GIP: variants seen among roughly 807,000 people sequenced by gnomAD.
GIP encodes the protein glucose-dependent insulinotropic polypeptide.
In GIP, 16 loss-of-function variants were observed where a neutral mutation model predicts 18.1. That is an observed-to-expected ratio of 0.88 (90% CI 0.60 to 1.34). The LOEUF (loss-of-function observed/expected upper bound fraction) is 1.34. Among genes scored for constraint, GIP ranks in the 40% most tolerant of loss-of-function variants. GIP has a pLI of 0.00. For missense variants in GIP, 192 were observed against 183.4 expected (o/e 1.05, Z -0.27); for synonymous variants, 76 against 74.0 (o/e 1.03, Z -0.14).
intron 4 of GIP, among the ~76,000 whole-genome samples, 181 bp from the exon 5 acceptor site, chr17:48,961,168 G>A (rs536556322): frequency 6.6e-6 from 1 of 152,158 alleles, no homozygotes; most frequent in East Asian, 1.9e-4. Context: ...CCCACCCAGC[G>A]CTGCCTGCCT....
intron 2 of GIP, 47 bp downstream of exon 2, chr17:48,967,100 C>T (rs1406860794): frequency 1.5e-6 from 2 of 1,361,684 alleles, no homozygotes; most frequent in Admixed American, 1.7e-5. Context: ...AACCTGTCAT[C>T]CCCTAACCCC....
intron 2 of GIP, among the ~76,000 whole-genome samples, chr17:48,966,587 GA>G (rs367591064): frequency 1.2e-4 from 17 of 146,122 alleles, no homozygotes; most frequent in South Asian, 2.2e-4. Flanking sequence ...GAAAAGAATA[GA>G]AAAAAAAAAG....
intron 2 of GIP, among the ~76,000 whole-genome samples, chr17:48,966,561 C>CA (rs910413493): frequency 1.5e-4 from 22 of 143,914 alleles, no homozygotes; most frequent in East Asian, 1.2e-3. Flanking sequence ...CATCCCCCCC[C>CA]AAAAAAAAAG....
rs2291724 is a variant in GIP, at chr17:48,961,608, G to A, written c.350+119C>T. On this transcript the variant is annotated intron_variant, in intron 4 of 5. Coordinates refer to ENST00000357424, the MANE Select transcript of GIP (RefSeq NM_004123.3). ...ATGAAGACCCCTCTTTGAACTCTGA[G>A]AGGAAGAGGATGCTTATCTCAGGTC... The A allele has an allele frequency of 6.6e-4, 431 of 656,240 alleles. 7 individuals carry two copies. In the East Asian group the frequency reaches 0.012, roughly 18 times the overall value. The allele number at this position is 656,240 out of a possible 1,614,324, so 40.7% of individuals were successfully genotyped here.
chr17:48,960,556 T>A (rs921209862), intron 5 of GIP, among the ~76,000 whole-genome samples: 1 of 152,058 alleles, frequency 6.6e-6, no homozygotes, highest in Non-Finnish European at 1.5e-5. Flanking sequence ...GAGCATCACC[T>A]CGCCTGGAAG....
intron 2 of GIP, among the ~76,000 whole-genome samples, chr17:48,965,397 G>A (rs1254140449): frequency 8.0e-5 from 12 of 149,870 alleles, no homozygotes; most frequent in Non-Finnish European, 1.6e-4. Flanking sequence ...AAAGTCAGGA[G>A]ATTGAGACCA....
intron 2 of GIP, among the ~76,000 whole-genome samples, chr17:48,964,925 G>T (rs547049896): frequency 6.6e-6 from 1 of 151,506 alleles, no homozygotes; most frequent in Admixed American, 6.6e-5. Context: ...GGATTACAAG[G>T]TCAGGAGATC....
chr17:48,965,476 G>A (rs1319495441), intron 2 of GIP, among the ~76,000 whole-genome samples: 2 of 148,096 alleles, frequency 1.4e-5, no homozygotes, highest in East Asian at 4.1e-4. Flanking sequence ...GTGGTGGCAG[G>A]CGCCTGTAGT....
At chr17:48,959,831 C>G (rs1280183033) in intron 5 of GIP, among the ~76,000 whole-genome samples, 3 of 74,742 alleles carry the variant, frequency 4.0e-5, no homozygotes, top group African/African-American at 5.6e-5. Flanking sequence ...GGGCTCAGCT[C>G]GGTGGGTAGG....
intron 3 of GIP, 37 bp downstream of exon 3, chr17:48,964,273 G>A (rs374382676): frequency 1.3e-5 from 21 of 1,571,194 alleles, no homozygotes; most frequent in Middle Eastern, 1.7e-4. Context: ...GGCAGAGCCC[G>A]GCACAGGGAA....
intron 2 of GIP, among the ~76,000 whole-genome samples, chr17:48,966,508 G>C (rs1003545096): frequency 6.6e-6 from 1 of 151,186 alleles, no homozygotes; most frequent in African/African-American, 2.4e-5. Flanking sequence ...AGTGAGCCGA[G>C]ATTGTGCCAC....
Position 48,965,538 on chromosome 17 carries a change from C to G in GIP, c.87-1058G>C, listed in dbSNP as rs1255637449. Among the ~76,000 whole-genome samples the G allele has an allele frequency of 4.2e-5, 6 of 144,258 alleles. No individual in the cohort carries two copies. In the South Asian group the frequency reaches 6.8e-4, roughly 16 times the overall value. The allele number at this position is 144,258 out of a possible 152,430, so 94.6% of individuals were successfully genotyped here. On this transcript the variant is annotated intron_variant, in intron 2 of 5. Coordinates refer to ENST00000357424, the MANE Select transcript of GIP (RefSeq NM_004123.3). The stretch of plus-strand genomic sequence containing the variant: ...GAGAATGGCGTGAACCCAGGAGGCG[C>G]TGCTTGCAGTAATCGGAGATCGCGC...
chr17:48,963,033 G>A (rs2041209790), intron 3 of GIP, among the ~76,000 whole-genome samples: 2 of 152,026 alleles, frequency 1.3e-5, no homozygotes, highest in Middle Eastern at 3.4e-3. Context: ...CGTGAACCCG[G>A]GAGGCGGAGC....
intron 2 of GIP, 143 bp from the exon 3 acceptor site, chr17:48,964,623 C>T (rs2143850835): frequency 6.1e-6 from 4 of 651,194 alleles, no homozygotes; most frequent in Non-Finnish European, 1.1e-5. Context: ...CACTCCCCCA[C>T]CCCACCCCAG....
intron 5 of GIP, 59 bp from the exon 6 acceptor site, chr17:48,958,775 A>T (rs1379663426): frequency 4.9e-6 from 7 of 1,426,186 alleles, no homozygotes; most frequent in Middle Eastern, 1.8e-4. Context: ...GGCCAAGCAC[A>T]TTTATCCTGG....
intron 2 of GIP, among the ~76,000 whole-genome samples, chr17:48,965,110 G>A (rs1475267830): frequency 1.5e-5 from 2 of 135,188 alleles, no homozygotes; most frequent in Non-Finnish European, 3.0e-5. Context: ...GTGCACTCCA[G>A]CCTGGGAGAC....
At chr17:48,963,400 T>C (rs1973408) in intron 3 of GIP, among the ~76,000 whole-genome samples, 83,439 of 151,362 alleles carry the variant, frequency 0.55, 24,937 homozygotes, top group African/African-American at 0.8. Context: ...CTTATGCCTG[T>C]AATCCCAGCA....
At chr17:48,964,289 G>A in intron 3 of GIP, 21 bp downstream of exon 3, 1 of 1,602,970 alleles carries the variant, frequency 6.2e-7, no homozygotes, top group Non-Finnish European at 8.5e-7. Context: ...GGGAACAGGA[G>A]GAGTGTAAGC....
At chr17:48,960,859 C>T (rs1246644112) in intron 5 of GIP, 27 bp downstream of exon 5, 8 of 1,386,986 alleles carry the variant, frequency 5.8e-6, no homozygotes, top group Non-Finnish European at 7.1e-6. Context: ...CAAGTTAGAA[C>T]CGCTGTGCAA....
Sources: allele counts gnomAD v4.1 joint callset (sites outside exome capture counted in the v4.1 genomes callset), GRCh38; gene constraint gnomAD v4.1.1; transcripts MANE v1.5; gene names NCBI Gene and HGNC (gene_info 2026-07-23, HGNC 2026-07-21).